Variants in PAH observed in about 807,000 individuals in gnomAD.
The protein encoded by PAH is phenylalanine-4-hydroxylase.
Under a neutral mutation model 62.0 loss-of-function variants are expected in PAH, and 64 were observed. That is an observed-to-expected ratio of 1.03 (90% CI 0.84 to 1.27). PAH has a LOEUF of 1.27. PAH is among the 50% of genes most tolerant of loss of function. The pLI is 0.00. For synonymous variants in PAH, 195 were observed against 196.2 expected (o/e 0.99, Z 0.05); for missense variants, 579 against 542.8 (o/e 1.07, Z -0.66).
intron 2 of PAH, among the ~76,000 whole-genome samples, chr12:102,907,132 C>A (rs373272911): frequency 6.6e-6 from 1 of 151,996 alleles, no homozygotes; most frequent in Non-Finnish European, 1.5e-5. Context: ...ATGTTAACAG[C>A]GGTTGATAAT....
In PAH at chr12:102,840,419, A is replaced by C; in HGVS notation, c.1296T>G (p.Ile432Met). The C allele has an allele frequency of 6.2e-7, 1 of 1,613,492 alleles. No homozygotes were observed. The highest frequency in any genetic ancestry group is 8.5e-7 in the Non-Finnish European group (1 of 1,179,410). The change falls in exon 12 of 13, where the codon ATT (isoleucine) becomes ATG (methionine). Residue 432 changes from isoleucine to methionine, a missense_variant. Coordinates refer to ENST00000553106, the MANE Select transcript of PAH (RefSeq NM_000277.3). ...ACTTACTGTTAATGGAATCAGCCAA[A>C]ATCTTAAGCTGCTGGGTATTGTCCA... Reference protein sequence around the residue: ...EVLDNTQQLKILADSINSEIG... With the variant: ...EVLDNTQQLKMLADSINSEIG...
chr12:102,882,323 C>T (rs1371543949), intron 3 of PAH, among the ~76,000 whole-genome samples: 1 of 152,126 alleles, frequency 6.6e-6, no homozygotes, highest in Non-Finnish European at 1.5e-5. Flanking sequence ...GGTTAAGAGT[C>T]TTAAAACAGC....
At chr12:102,920,445 T>G (rs905888717), upstream of PAH, among the ~76,000 whole-genome samples, 6 of 152,200 alleles carry the variant, frequency 3.9e-5, no homozygotes, top group Admixed American at 6.5e-5. Flanking sequence ...CTTGGCAAAC[T>G]TAGAGCTGAC....
At chr12:102,955,292 C>A (rs537435388), upstream of PAH, among the ~76,000 whole-genome samples, 1 of 152,318 alleles carries the variant, frequency 6.6e-6, no homozygotes, top group East Asian at 1.9e-4. Context: ...TGGCTACCAG[C>A]AAATTTTCTA....
At chr12:102,930,721 C>T (rs1878831712) in intron 1 of PAH, among the ~76,000 whole-genome samples, 2 of 152,184 alleles carry the variant, frequency 1.3e-5, no homozygotes, top group Non-Finnish European at 2.9e-5. Context: ...TCTCTAATCC[C>T]TGATCAAAAC....
At chr12:102,910,501 G>T (rs1878163101) in intron 2 of PAH, among the ~76,000 whole-genome samples, 1 of 151,860 alleles carries the variant, frequency 6.6e-6, no homozygotes, top group Non-Finnish European at 1.5e-5. Flanking sequence ...CTCCCAAATA[G>T]GTGGGACTAC....
chr12:102,852,792 G>A lies in PAH; in HGVS notation c.842+23C>T, dbSNP rs780067750. The A allele has an allele frequency of 3.1e-6, 5 of 1,613,904 alleles. No homozygotes were observed. In the South Asian group the frequency reaches 5.5e-5, roughly 18 times the overall value. On this transcript the variant is annotated intron_variant, in intron 7 of 12. Coordinates refer to ENST00000553106, the MANE Select transcript of PAH (RefSeq NM_000277.3). ...ATGGCGCTCATTGTGCCTGGCAACT[G>A]GTAGCTGGAGGACAGTACTCACGGT...
rs1874438994 is a variant in PAH, at chr12:102,838,163, C to G, written c.*1012G>C. The G allele has an allele frequency of 6.6e-6, 1 of 152,172 alleles. No individual in the cohort carries two copies. Among genetic ancestry groups the G allele is most frequent in the African/African-American group, 2.4e-5 (1 of 41,450 alleles). The allele number at this position is 152,172 out of a possible 1,614,324, so 9.4% of individuals were successfully genotyped here. On this transcript the variant is annotated 3_prime_UTR_variant, in exon 13 of 13. Transcript: ENST00000553106. ...ATCAACAAAAGTCAAAGTCCGTTGA[C>G]TGTCCAGGCATGACTTTGAGTGTCA...
chr12:102,952,957 C>A (rs531601663), upstream of PAH, among the ~76,000 whole-genome samples: 16 of 152,280 alleles, frequency 1.1e-4, no homozygotes, highest in African/African-American at 3.9e-4. Flanking sequence ...GGGCAGCAAT[C>A]CTTTCTGAAA....
intron 2 of PAH, among the ~76,000 whole-genome samples, chr12:102,897,930 C>T (rs1447045792): frequency 2.0e-5 from 3 of 152,222 alleles, no homozygotes; most frequent in Non-Finnish European, 4.4e-5. Context: ...TGGAGCTCAT[C>T]TGTAATTATG....
intron 3 of PAH, among the ~76,000 whole-genome samples, chr12:102,881,703 A>C (rs1876819604): frequency 6.6e-6 from 1 of 152,202 alleles, no homozygotes; most frequent in Non-Finnish European, 1.5e-5. Flanking sequence ...AAGTGAGATC[A>C]AGCAGTATTT....
At chr12:102,897,537 T>C (rs960105547) in intron 2 of PAH, among the ~76,000 whole-genome samples, 1 of 149,886 alleles carries the variant, frequency 6.7e-6, no homozygotes, top group African/African-American at 2.5e-5. Context: ...AACACCTCAG[T>C]GAAAAAACAA....
intron 3 of PAH, among the ~76,000 whole-genome samples, chr12:102,888,624 A>T (rs1374481172): frequency 6.6e-6 from 1 of 151,116 alleles, no homozygotes; most frequent in Non-Finnish European, 1.5e-5. Flanking sequence ...TGCAGGGAGC[A>T]GACAGTCTAC....
intron 11 of PAH, 22 bp from the exon 12 acceptor site, chr12:102,840,537 T>A (rs1391819789): frequency 6.7e-7 from 1 of 1,493,580 alleles, no homozygotes; most frequent in Non-Finnish European, 9.3e-7. Context: ...ACCACAGGCT[T>A]GAGTGAAGGG....
intron 2 of PAH, among the ~76,000 whole-genome samples, chr12:102,902,574 A>T (rs554524954): frequency 7.2e-5 from 11 of 152,190 alleles, no homozygotes; most frequent in Non-Finnish European, 1.6e-4. Context: ...TGTTTCACTG[A>T]TTTCCTCTTC....
intron 4 of PAH, among the ~76,000 whole-genome samples, chr12:102,870,490 A>AT (rs1876260806): frequency 6.6e-6 from 1 of 152,174 alleles, no homozygotes; most frequent in Non-Finnish European, 1.5e-5. Flanking sequence ...TTCTGAGCAC[A>AT]TTGTAGTTGC....
At chr12:102,852,094 C>G in intron 7 of PAH, 1 of 300,372 alleles carries the variant, frequency 3.3e-6, no homozygotes, top group Non-Finnish European at 6.4e-6. Flanking sequence ...ATGAACACTT[C>G]TCATCCTGTC....
intron 7 of PAH, chr12:102,851,987 C>T: frequency 1.9e-6 from 1 of 527,766 alleles, no homozygotes. Flanking sequence ...TAGGGCACAG[C>T]AGCCAAGGGT....
At chr12:102,952,909 G>C (rs1879811145), upstream of PAH, among the ~76,000 whole-genome samples, 2 of 152,222 alleles carry the variant, frequency 1.3e-5, no homozygotes, top group African/African-American at 2.4e-5. Flanking sequence ...TGCCCCCTGA[G>C]CAGGCCCTCC....
Sources: gnomAD v4.1 joint callset for allele counts (sites outside exome capture counted in the v4.1 genomes callset) on GRCh38, gnomAD v4.1.1 for gene constraint, MANE v1.5 for transcripts, NCBI Gene and HGNC (gene_info 2026-07-23, HGNC 2026-07-21) for gene names.